Variants in KDR observed in about 807,000 individuals in gnomAD.
The protein encoded by KDR is kinase insert domain receptor.
A neutral mutation model predicts 160.9 loss-of-function variants in KDR; 43 were observed. That is an observed-to-expected ratio of 0.27 (90% CI 0.21 to 0.34). The LOEUF is 0.34. Ranked by LOEUF, KDR falls within the 10% of genes least tolerant of loss-of-function variation. KDR has a pLI of 1.00. For missense variants in KDR, 1,469 were observed against 1,666.4 expected, an observed-to-expected ratio of 0.88 and a Z score of 2.06; for synonymous variants, 617 against 600.1, an observed-to-expected ratio of 1.03 and a Z score of -0.41.
At position 55,101,964 on chromosome 4, in the gene KDR, G is replaced by T. The variant is rs562267427; in HGVS notation, c.2199C>A (p.Gly733=). 6.2e-7 allele frequency: 1 copy of T among 1,613,688 alleles called. No individual in the cohort carries two copies. Among genetic ancestry groups the T allele is most frequent in the East Asian group, 2.2e-5 (1 of 44,866 alleles). Residue 733 remains glycine, a synonymous_variant, in exon 15 of 30, where the codon GGC becomes GGA. Transcript: ENST00000263923. ...CACTGCATGCCTGGCAGGTGTAGAGGCCTTCGTCCTCCTTCCTCACTCTGC... is the reference window on the plus strand; with the variant it reads ...CACTGCATGCCTGGCAGGTGTAGAGTCCTTCGTCCTCCTTCCTCACTCTGC... ...TIRRVRKEDE[G]LYTCQACSVL...
Position 55,114,980 on chromosome 4 carries a change from G to C in KDR, c.552C>G (p.Gly184=), listed in dbSNP as rs1441886829. The C allele has an allele frequency of 6.2e-7, 1 of 1,613,564 alleles. No homozygotes were observed. Among genetic ancestry groups the C allele is most frequent in the East Asian group, 2.2e-5 (1 of 44,854 alleles). Residue 184 remains glycine, a synonymous_variant, in exon 5 of 30, where the codon GGC becomes GGG. Transcript: ENST00000263923. The part of the protein sequence containing the change: ...GNRISWDSKK[G]FTIPSYMISY... ...TGATCATGTAGCTGGGAATAGTAAA[G>C]CCCTTCTTGCTGTCCCAGGAAATTC...
At chr4:55,087,283 G>A (rs1398037662) in intron 27 of KDR, among the ~76,000 whole-genome samples, 1 of 152,206 alleles carries the variant, frequency 6.6e-6, no homozygotes, top group Non-Finnish European at 1.5e-5. Flanking sequence ...CATACACGGG[G>A]ATAATTTAAA....
At chr4:55,109,125 C>A (rs899516111) in intron 9 of KDR, among the ~76,000 whole-genome samples, 1 of 152,160 alleles carries the variant, frequency 6.6e-6, no homozygotes, top group African/African-American at 2.4e-5. Context: ...CTCTTGTCAC[C>A]AGGCTGGAGT....
At chr4:55,112,069 T>C (rs930905511) in intron 7 of KDR, among the ~76,000 whole-genome samples, 7 of 152,200 alleles carry the variant, frequency 4.6e-5, no homozygotes, top group African/African-American at 1.7e-4. Flanking sequence ...AACTCAGACA[T>C]TTATGTAAAT....
rs2110003706 is a variant in KDR, at chr4:55,080,049, A to C, written c.3963T>G (p.Ser1321Arg). 6.2e-7 allele frequency: 1 copy of C among 1,614,062 alleles called. No homozygotes were observed. The highest frequency in any genetic ancestry group is 1.1e-5 in the South Asian group (1 of 91,062). Residue 1321 changes from serine (S) to arginine (R), a missense_variant, in exon 30 of 30, where the codon AGT becomes AGG. Around this residue, in one of 7 missense-constraint regions of KDR, gnomAD observed 229 missense variants for 197.8 expected, o/e 1.16. Transcript: ENST00000263923. ...TCAGCTTTAAAAGTTCTGCTTCCTC[A>C]CTGGAGTACACGGTGGTGTCTGTGT... Reference protein sequence around the residue: ...SDDTDTTVYSSEEAELLKLIE... With the variant: ...SDDTDTTVYSREEAELLKLIE...
At chr4:55,089,900 C>T (rs879532547) in intron 23 of KDR, 56 bp downstream of exon 23, 140 of 1,609,202 alleles carry the variant, frequency 8.7e-5, no homozygotes, top group African/African-American at 5.5e-4. Flanking sequence ...AAGCTCTCTA[C>T]GAGGAGTTTT....
At chr4:55,096,369 T>C (rs1301165745) in intron 18 of KDR, 27 bp from the exon 19 acceptor site, 2 of 1,508,406 alleles carry the variant, frequency 1.3e-6, no homozygotes, top group Non-Finnish European at 1.8e-6. Flanking sequence ...AAGAGGGAAA[T>C]CATAGGTATG....
chr4:55,098,301 AAC>A, intron 16 of KDR, 29 bp from the exon 17 acceptor site: 1 of 1,613,348 alleles, frequency 6.2e-7, no homozygotes, highest in Non-Finnish European at 8.5e-7. Flanking sequence ...TCCAGTCATA[AAC>A]ACACTGTTGT....
intron 27 of KDR, among the ~76,000 whole-genome samples, chr4:55,083,151 T>C (rs1211293934): frequency 6.6e-6 from 1 of 152,212 alleles, no homozygotes; most frequent in Admixed American, 6.5e-5. Flanking sequence ...TCCTCCTCCA[T>C]GTAACAGAGG....
At chr4:55,100,748 G>A (rs544957733) in intron 15 of KDR, among the ~76,000 whole-genome samples, 1 of 152,118 alleles carries the variant, frequency 6.6e-6, no homozygotes, top group East Asian at 1.9e-4. Context: ...CATAGATTTG[G>A]CAGAGTAAAG....
rs41480844 is a variant in KDR at position 55,095,706 on chromosome 4, C to T, written c.2729-41G>A. 5,671 of 1,411,644 alleles carry T rather than the reference C, an allele frequency of 4.0e-3. 140 individuals are homozygous for T. In the African/African-American group the frequency reaches 0.059, roughly 15 times the overall value. The allele number at this position is 1,411,644 out of a possible 1,614,324, so 87.4% of individuals were successfully genotyped here. A position where few individuals can be genotyped will look rare whatever the true frequency, so the allele number is the denominator to read the frequency against. On this transcript the variant is annotated intron_variant, in intron 19 of 29. Coordinates refer to ENST00000263923, the MANE Select transcript of KDR (RefSeq NM_002253.4). ...CCAGGAAGGAAAATGGGTTTTCACT[C>T]ATATTCCTCACTAAGCGTTTAATAT...
chr4:55,114,757 A>C, intron 5 of KDR, 117 bp downstream of exon 5: 2 of 909,824 alleles, frequency 2.2e-6, no homozygotes, highest in Non-Finnish European at 1.8e-6. Context: ...GAATTGCCCA[A>C]CACCATATCC....
rs1223412673 is a variant in KDR, at chr4:55,113,369, A to G, written c.911T>C (p.Leu304Ser). Residue 304 changes from leucine to serine, a missense_variant, in exon 7 of 30, where the codon TTG becomes TCG. This residue lies in a region of KDR where 792 missense variants were observed against 840.9 expected (regional missense o/e 0.94). Coordinates refer to ENST00000263923, the MANE Select transcript of KDR (RefSeq NM_002253.4). ...IDGVTRSDQG[L>S]YTCAASSGLM... ...CCCACTGGATGCTGCACAGGTGTAC[A>G]ATCCTTGGTCACTCCGGGTTACACC... 3.1e-6 allele frequency: 5 copies of G among 1,613,972 alleles called. No homozygotes were observed. The highest frequency in any genetic ancestry group is 4.2e-6 in the Non-Finnish European group (5 of 1,179,970).
chr4:55,106,925 C>T (rs1012562834), intron 10 of KDR, 115 bp from the exon 11 acceptor site: 6 of 912,850 alleles, frequency 6.6e-6, no homozygotes, highest in Admixed American at 1.8e-5. Flanking sequence ...ACTTCCAACG[C>T]AGCCTACCAT....
rs1476992566 is a variant in KDR, at chr4:55,104,684, G to A, written c.1946C>T (p.Thr649Ile). 1 of 1,613,580 alleles carries A rather than the reference G, an allele frequency of 6.2e-7. No homozygotes were observed. Among genetic ancestry groups the A allele is most frequent in the African/African-American group, 1.3e-5 (1 of 74,848 alleles). The stretch of plus-strand genomic sequence containing the variant: ...CCTGACCACGCAATGTCTTTTCTTG[G>A]TCTTCCTGTCTTGAGCAAGGCAGAC... ...DYVCLAQDRK[T>I]KKRHCVVRQL... is the part of the protein sequence containing the mutation. The change falls in exon 13 of 30, where the codon ACC becomes ATC. Residue 649 changes from threonine (T) to isoleucine (I), a missense_variant. Physicochemically the swap from Thr to Ile is moderately conservative, Grantham distance 89 (BLOSUM62 -1). Transcript: ENST00000263923.
intron 10 of KDR, 138 bp downstream of exon 10, chr4:55,107,599 T>C: frequency 1.0e-6 from 1 of 963,012 alleles, no homozygotes; most frequent in Admixed American, 1.9e-5. Flanking sequence ...CAGAGAAAGA[T>C]GGATGGAGAT....
intron 26 of KDR, 90 bp downstream of exon 26, chr4:55,088,778 G>A (rs1454431177): frequency 1.1e-5 from 9 of 822,604 alleles, no homozygotes; most frequent in African/African-American, 1.7e-5. Flanking sequence ...TGAGAGGATG[G>A]CATGGTAGCC....
At chr4:55,094,743 ATCACCCTGTC>A in intron 21 of KDR, 49 bp downstream of exon 21, 1 of 1,509,580 alleles carries the variant, frequency 6.6e-7, no homozygotes, top group Non-Finnish European at 9.2e-7. Context: ...GTAACACCCT[ATCACCCTGTC>A]TGCTCTGACA....
chr4:55,089,259 T>C, intron 25 of KDR, 115 bp downstream of exon 25: 2 of 769,726 alleles, frequency 2.6e-6, no homozygotes, highest in South Asian at 3.1e-5. Context: ...GGCCCCAAAG[T>C]AAAAGCAGGA....
Sources: allele counts gnomAD v4.1 joint callset (sites outside exome capture counted in the v4.1 genomes callset), GRCh38; gene constraint gnomAD v4.1.1; regional missense constraint gnomAD v4.1.1; transcripts MANE v1.5; gene names NCBI Gene and HGNC (gene_info 2026-07-23, HGNC 2026-07-21).